NTM: variants seen among roughly 807,000 people sequenced by gnomAD.
The protein encoded by NTM is IgLON family member 2.
In NTM, 13 loss-of-function variants were observed where a neutral mutation model predicts 42.1. That is an observed-to-expected ratio of 0.31 (90% CI 0.20 to 0.49). The LOEUF (loss-of-function observed/expected upper bound fraction) is 0.49. NTM is among the 20% of genes least tolerant of loss of function. The pLI, the probability that NTM is intolerant of heterozygous loss-of-function variation, is 0.99. For missense variants in NTM, 373 were observed against 452.8 expected (o/e 0.82, Z 1.60); for synonymous variants, 187 against 179.2 (o/e 1.04, Z -0.35).
At position 132,322,177 on chromosome 11, in the gene NTM, A is replaced by G. The variant is rs540134098; in HGVS notation, c.934+7474A>G. Among the ~76,000 whole-genome samples the G allele has an allele frequency of 4.9e-4, 74 of 152,238 alleles. No individual in the cohort carries two copies. The South Asian group carries it at 0.015, about 30-fold the overall frequency. Reference sequence around the variant, plus strand: ...TGACAGGATCAAATTCACACATAACACTATTAACTTTAAATGTAAATGGAC... The same window carrying G: ...TGACAGGATCAAATTCACACATAACGCTATTAACTTTAAATGTAAATGGAC... On this transcript the variant is annotated intron_variant, in intron 7 of 8. Transcript: ENST00000683400.
chr11:131,817,433 C>G (rs2092995863), intron 1 of NTM, among the ~76,000 whole-genome samples: 1 of 152,050 alleles, frequency 6.6e-6, no homozygotes. Flanking sequence ...TAAGCAAACA[C>G]TTGACCCTAA....
rs1303326596 is a variant in NTM, at chr11:132,259,703, G to T, written c.526+47556G>T. Among the ~76,000 whole-genome samples the T allele has an allele frequency of 2.0e-5, 3 of 151,590 alleles. No homozygotes were observed. The East Asian group carries it at 5.9e-4, about 30-fold the overall frequency. On this transcript the variant is annotated intron_variant, in intron 4 of 8. Transcript: ENST00000683400. Reference sequence around the variant, plus strand: ...TCAAAAAACAAGAAGTTTTTTAGTTGATCACCAATAAATCAACTAGGACAG... The same window carrying T: ...TCAAAAAACAAGAAGTTTTTTAGTTTATCACCAATAAATCAACTAGGACAG...
rs760642782 is a variant in NTM, at chr11:132,310,119, A to G, written c.669A>G (p.Pro223=). The change falls in exon 6 of 9, where the codon CCA becomes CCG. Residue 223 remains proline (P), a synonymous_variant. Coordinates refer to ENST00000683400, the MANE Select transcript of NTM (RefSeq NM_001352005.2). The part of the protein sequence containing the change: ...RRVKVTVNYP[P]YISEAKGTGV... ...GACATCTTCTTTTTGCAGATCCACCATACATTTCAGAAGCCAAGGGTACAG... is the reference window on the plus strand; with the variant it reads ...GACATCTTCTTTTTGCAGATCCACCGTACATTTCAGAAGCCAAGGGTACAG... 2.5e-5 allele frequency: 40 copies of G among 1,597,268 alleles called. No individual in the cohort carries two copies. Among genetic ancestry groups the G allele is most frequent in the Non-Finnish European group, 2.3e-5 (27 of 1,175,020 alleles).
intron 1 of NTM, among the ~76,000 whole-genome samples, chr11:131,692,926 C>T (rs566311408): frequency 1.3e-5 from 2 of 152,160 alleles, no homozygotes; most frequent in African/African-American, 4.8e-5. Flanking sequence ...AGAAATCGCA[C>T]GGCAGGTCAT....
intron 1 of NTM, among the ~76,000 whole-genome samples, chr11:131,818,886 G>C (rs1264050363): frequency 6.6e-6 from 1 of 152,118 alleles, no homozygotes; most frequent in African/African-American, 2.4e-5. Flanking sequence ...ACACGGAAAA[G>C]GAACTCAGTA....
rs547709213 is a variant in NTM, at chr11:132,209,759, T to C, written c.401-2263T>C. ...AATTCTCTCAGGCCTTGAACAATTT[T>C]AATAGATGTGGATAGGCACAGAGAA... is the stretch of plus-strand genomic sequence containing the variant. On this transcript the variant is annotated intron_variant, in intron 3 of 8. Coordinates refer to ENST00000683400, the MANE Select transcript of NTM (RefSeq NM_001352005.2). Among the ~76,000 whole-genome samples, 18 of 152,266 alleles carry C rather than the reference T, an allele frequency of 1.2e-4. No homozygotes were observed. The South Asian group carries it at 3.5e-3, about 30-fold the overall frequency.
intron 2 of NTM, among the ~76,000 whole-genome samples, chr11:132,133,073 C>T (rs2067127341): frequency 6.6e-6 from 1 of 152,198 alleles, no homozygotes. Context: ...AAGTAAGTAG[C>T]TAAGTAGCCT....
intron 2 of NTM, among the ~76,000 whole-genome samples, chr11:131,952,080 ACTC>A (rs1306845066): frequency 6.6e-6 from 1 of 151,332 alleles, no homozygotes; most frequent in Non-Finnish European, 1.5e-5. Context: ...TTGCTTATAG[ACTC>A]CTCCTCCTGA....
At chr11:131,935,346 C>T (rs955442598) in intron 2 of NTM, among the ~76,000 whole-genome samples, 1 of 152,142 alleles carries the variant, frequency 6.6e-6, no homozygotes, top group South Asian at 2.1e-4. Flanking sequence ...AGCCACCTGC[C>T]CTACTTAACA....
chr11:131,397,215 A>G (rs1369602287), intron 1 of NTM, among the ~76,000 whole-genome samples: 1 of 152,184 alleles, frequency 6.6e-6, no homozygotes, highest in African/African-American at 2.4e-5. Context: ...TCTAGGCATA[A>G]TCCATCTTCA....
intron 1 of NTM, among the ~76,000 whole-genome samples, chr11:131,571,342 C>T (rs1385341726): frequency 6.6e-6 from 1 of 152,182 alleles, no homozygotes; most frequent in East Asian, 1.9e-4. Context: ...TGACGATTTA[C>T]ATATATTAAC....
intron 4 of NTM, among the ~76,000 whole-genome samples, chr11:132,296,430 C>A (rs922142467): frequency 2.6e-5 from 4 of 151,982 alleles, no homozygotes; most frequent in African/African-American, 7.2e-5. Context: ...AATTATTTCC[C>A]ACGTGTTAAT....
intron 2 of NTM, among the ~76,000 whole-genome samples, chr11:132,145,837 T>C (rs2070280394): frequency 6.6e-6 from 1 of 152,202 alleles, no homozygotes; most frequent in African/African-American, 2.4e-5. Context: ...TTTAGTTTAG[T>C]TTCTCTGCTC....
At chr11:132,200,355 G>T (rs1298051012) in intron 3 of NTM, among the ~76,000 whole-genome samples, 1 of 152,130 alleles carries the variant, frequency 6.6e-6, no homozygotes, top group Non-Finnish European at 1.5e-5. Context: ...GCAATATTGG[G>T]ACTGTAGCAC....
intron 1 of NTM, among the ~76,000 whole-genome samples, chr11:131,499,637 T>C (rs1029946137): frequency 1.3e-5 from 2 of 151,930 alleles, no homozygotes; most frequent in Non-Finnish European, 2.9e-5. Flanking sequence ...CAAATATCCC[T>C]AACTCGTCCC....
intron 3 of NTM, among the ~76,000 whole-genome samples, chr11:132,175,637 G>C (rs1394252537): frequency 6.6e-6 from 1 of 151,760 alleles, no homozygotes; most frequent in Non-Finnish European, 1.5e-5. Context: ...GCCCAGGCTG[G>C]AGTGCAGTGG....
rs1324665960 is a variant in NTM at position 131,402,497 on chromosome 11, AAG to A, written c.82+31613_82+31614del. Among the ~76,000 whole-genome samples the A allele has an allele frequency of 9.2e-5, 14 of 152,284 alleles. No individual in the cohort carries two copies. The East Asian group carries it at 1.2e-3, about 13-fold the overall frequency. On this transcript the variant is annotated intron_variant, in intron 1 of 8. Transcript: ENST00000683400. The stretch of plus-strand genomic sequence containing the variant: ...GGAAGTGTCAAAGAAACAAGAAACT[AAG>A]AGAAAAAAAGGAGTCACACAGAAGA...
intron 1 of NTM, among the ~76,000 whole-genome samples, chr11:131,568,639 C>T (rs934999680): frequency 6.6e-6 from 1 of 152,146 alleles, no homozygotes; most frequent in Non-Finnish European, 1.5e-5. Flanking sequence ...TGAGACAATC[C>T]AACATGGTGG....
At chr11:131,941,067 A>C (rs556442692) in intron 2 of NTM, among the ~76,000 whole-genome samples, 11 of 152,360 alleles carry the variant, frequency 7.2e-5, no homozygotes, top group African/African-American at 2.4e-4. Flanking sequence ...GAGAGGGAAG[A>C]TATTCTCGAG....
Sources: allele counts gnomAD v4.1 joint callset (sites outside exome capture counted in the v4.1 genomes callset), GRCh38; gene constraint gnomAD v4.1.1; transcripts MANE v1.5; gene names NCBI Gene and HGNC (gene_info 2026-07-23, HGNC 2026-07-21).